The following ACBD6 variants were observed in gnomAD, a reference collection of about 807,000 sequenced individuals.
ACBD6 encodes the protein acyl-CoA-binding domain-containing protein 6.
A neutral mutation model predicts 37.2 loss-of-function variants in ACBD6; 28 were observed. The ratio of observed to expected loss-of-function variants is 0.75; its 90% CI spans 0.56 to 1.03. The LOEUF is 1.03. ACBD6 is among the 50% of genes least tolerant of loss of function. ACBD6 has a pLI of 0.00. For synonymous variants in ACBD6, 113 were observed against 126.8 expected, an observed-to-expected ratio of 0.89 and a Z score of 0.73; for missense variants, 340 against 337.4, an observed-to-expected ratio of 1.01 and a Z score of -0.06.
At chr1:180,484,928 G>A (rs976370815) in intron 3 of ACBD6, among the ~76,000 whole-genome samples, 2 of 152,010 alleles carry the variant, frequency 1.3e-5, no homozygotes, top group African/African-American at 4.8e-5. Flanking sequence ...GCTGGGCGTG[G>A]TGGTGGGCGC....
At chr1:180,388,696 C>A (rs1426944737) in intron 6 of ACBD6, among the ~76,000 whole-genome samples, 1 of 152,008 alleles carries the variant, frequency 6.6e-6, no homozygotes, top group African/African-American at 2.4e-5. Context: ...CTGCCTTGGC[C>A]TTCCAAAGTG....
intron 7 of ACBD6, among the ~76,000 whole-genome samples, chr1:180,297,211 G>A (rs1017216783): frequency 2.6e-5 from 4 of 152,088 alleles, no homozygotes; most frequent in Non-Finnish European, 4.4e-5. Flanking sequence ...AGGGCTTCAC[G>A]GCTATGTGCT....
Position 180,288,324 on chromosome 1 carries a change from C to T in ACBD6, c.*39G>A. 1 of 1,612,930 alleles carries T rather than the reference C, an allele frequency of 6.2e-7. No homozygotes were observed. Among genetic ancestry groups the T allele is most frequent in the African/African-American group, 1.3e-5 (1 of 74,996 alleles). ...TTGTAGTTTTCTTTCATAATGGAAGCCTTATGCTATTACAGACTGCAGTTT... is the reference window on the plus strand; with the variant it reads ...TTGTAGTTTTCTTTCATAATGGAAGTCTTATGCTATTACAGACTGCAGTTT... On this transcript the variant is annotated 3_prime_UTR_variant, in exon 8 of 8. Coordinates refer to ENST00000367595, the MANE Select transcript of ACBD6 (RefSeq NM_032360.4).
intron 3 of ACBD6, among the ~76,000 whole-genome samples, chr1:180,488,237 A>G (rs1651353729): frequency 6.6e-6 from 1 of 152,182 alleles, no homozygotes; most frequent in Non-Finnish European, 1.5e-5. Context: ...TGTAAAAACA[A>G]AACAAAAAAA....
intron 3 of ACBD6, among the ~76,000 whole-genome samples, chr1:180,489,102 G>A (rs1274675996): frequency 6.6e-6 from 1 of 151,798 alleles, no homozygotes; most frequent in African/African-American, 2.4e-5. Context: ...GGAGGCGGAG[G>A]GTGCAGTAAG....
At chr1:180,310,974 T>C (rs114274948) in intron 7 of ACBD6, among the ~76,000 whole-genome samples, 2,352 of 152,322 alleles carry the variant, frequency 0.015, 25 homozygotes, top group South Asian at 0.03. Context: ...GTACATAAGA[T>C]GTGCAGAAGA....
exon 14 of ACBD6, chr1:180,271,828 G>A (rs377328553): frequency 1.1e-5 from 18 of 1,613,808 alleles, no homozygotes; most frequent in Non-Finnish European, 1.2e-5. Context: ...TTGTGCTTGT[G>A]TGGCAGGTTT....
chr1:180,365,784 T>C (rs4304539), intron 6 of ACBD6, among the ~76,000 whole-genome samples: 145,441 of 152,290 alleles, frequency 0.96, 69,515 homozygotes, highest in African/African-American at 0.99. Context: ...ATATGGTCCA[T>C]AAGTATATTT....
chr1:180,435,866 C>T (rs959123750), intron 3 of ACBD6: 2 of 1,345,922 alleles, frequency 1.5e-6, no homozygotes, highest in Non-Finnish European at 2.1e-6. Context: ...CAAATTGACA[C>T]TGTCAGCTCT....
intron 3 of ACBD6, among the ~76,000 whole-genome samples, chr1:180,448,072 T>C (rs1452894250): frequency 6.6e-6 from 1 of 152,064 alleles, no homozygotes; most frequent in African/African-American, 2.4e-5. Flanking sequence ...AAAGCAACAA[T>C]GAACAATGAA....
chr1:180,404,727 G>A (rs1404761329), intron 5 of ACBD6, among the ~76,000 whole-genome samples: 3 of 152,194 alleles, frequency 2.0e-5, no homozygotes, highest in African/African-American at 7.2e-5. Flanking sequence ...CAAAGTGCTA[G>A]GATGACAAGC....
chr1:180,398,274 TAAA>T (rs1654340338), intron 5 of ACBD6, among the ~76,000 whole-genome samples: 1 of 152,188 alleles, frequency 6.6e-6, no homozygotes, highest in African/African-American at 2.4e-5. Context: ...ACTTTAAATA[TAAA>T]GTATAGTTTT....
intron 6 of ACBD6, among the ~76,000 whole-genome samples, chr1:180,326,743 C>T (rs1206543426): frequency 6.6e-6 from 1 of 152,098 alleles, no homozygotes; most frequent in Non-Finnish European, 1.5e-5. Flanking sequence ...TATTGAGGAC[C>T]CAAGGGCTCT....
At chr1:180,270,019 A>G (rs1166030441) in exon 14 of ACBD6, 2 of 152,276 alleles carry the variant, frequency 1.3e-5, no homozygotes, top group Admixed American at 6.5e-5. Flanking sequence ...GTGTACACAC[A>G]TGTCCTGGCT....
intron 3 of ACBD6, among the ~76,000 whole-genome samples, chr1:180,436,297 CTTGT>C (rs895014626): frequency 1.3e-5 from 2 of 152,120 alleles, no homozygotes; most frequent in Non-Finnish European, 2.9e-5. Context: ...AGAATTGAAC[CTTGT>C]TTATCTAACC....
chr1:180,452,590 G>C (rs1290498719), intron 3 of ACBD6, among the ~76,000 whole-genome samples: 4 of 151,834 alleles, frequency 2.6e-5, no homozygotes, highest in East Asian at 1.9e-4. Flanking sequence ...GAAGGAGATA[G>C]AGACATGAAA....
At chr1:180,410,529 T>G (rs143778724) in intron 5 of ACBD6, among the ~76,000 whole-genome samples, 2 of 152,296 alleles carry the variant, frequency 1.3e-5, no homozygotes, top group East Asian at 3.9e-4. Context: ...CCTAGGGCCC[T>G]TAAAAAGTAT....
chr1:180,480,797 G>A (rs1418628759), intron 3 of ACBD6, among the ~76,000 whole-genome samples: 1 of 152,128 alleles, frequency 6.6e-6, no homozygotes, highest in Non-Finnish European at 1.5e-5. Flanking sequence ...TTGGGAGGCC[G>A]AGGTGGGTGG....
At position 180,446,577 on chromosome 1, in the gene ACBD6, A is replaced by C. The variant is rs765539846; in HGVS notation, c.385-16315T>G. Reference sequence around the variant, plus strand: ...CATCTCATCTACCATTTGTCACAGCATTAAAAAGAAAACTTTACCATGAAA... The same window carrying C: ...CATCTCATCTACCATTTGTCACAGCCTTAAAAAGAAAACTTTACCATGAAA... On this transcript the variant is annotated intron_variant, in intron 3 of 7. Coordinates refer to ENST00000367595, the MANE Select transcript of ACBD6 (RefSeq NM_032360.4). Among the ~76,000 whole-genome samples, 83 of 152,230 alleles carry C rather than the reference A, an allele frequency of 5.5e-4. 1 individual carries two copies. The highest frequency in any genetic ancestry group is 1.1e-3 in the Non-Finnish European group (77 of 68,040).
Sources: gnomAD v4.1 joint callset for allele counts (sites outside exome capture counted in the v4.1 genomes callset) on GRCh38, gnomAD v4.1.1 for gene constraint, MANE v1.5 for transcripts, NCBI Gene and HGNC (gene_info 2026-07-23, HGNC 2026-07-21) for gene names.